The following PLEKHA8 variants were observed in gnomAD, a reference collection of about 807,000 sequenced individuals.
The protein encoded by PLEKHA8 is pleckstrin homology domain containing A8, also known as pleckstrin homology domain-containing family A member 8.
In PLEKHA8, 36 loss-of-function variants were observed where a neutral mutation model predicts 68.2. The ratio of observed to expected loss-of-function variants is 0.53; its 90% CI spans 0.40 to 0.70. The LOEUF is 0.70. PLEKHA8 is among the 30% of genes least tolerant of loss of function. PLEKHA8 has a pLI of 0.00. For synonymous variants in PLEKHA8, 211 were observed against 216.1 expected, an observed-to-expected ratio of 0.98 and a Z score of 0.20; for missense variants, 505 against 615.4, an observed-to-expected ratio of 0.82 and a Z score of 1.90.
chr7:30,124,850 C>A (rs1272341910), intron 13 of PLEKHA8, among the ~76,000 whole-genome samples: 1 of 151,718 alleles, frequency 6.6e-6, no homozygotes, highest in East Asian at 1.9e-4. Flanking sequence ...CACCCATGAT[C>A]CTATCTTAAT....
chr7:30,088,800 T>C (rs950310398), downstream of PLEKHA8, among the ~76,000 whole-genome samples: 13 of 152,210 alleles, frequency 8.5e-5, no homozygotes, highest in Admixed American at 5.9e-4. Flanking sequence ...CTAGAGGGGA[T>C]TGGCAAGATG....
intron 1 of PLEKHA8, 27 bp downstream of exon 1, chr7:30,028,829 G>A (rs887316956): frequency 1.6e-6 from 2 of 1,254,848 alleles, no homozygotes; most frequent in South Asian, 8.0e-5. Context: ...GGCCGGGGGC[G>A]CGCCGGGGGC....
intron 13 of PLEKHA8, among the ~76,000 whole-genome samples, chr7:30,096,011 C>CT (rs1795605898): frequency 6.6e-6 from 1 of 152,088 alleles, no homozygotes; most frequent in Non-Finnish European, 1.5e-5. Flanking sequence ...AATGCGGGCT[C>CT]TTTTTTGGTT....
rs1376745916 is a variant in PLEKHA8, at chr7:30,052,733, A to T, written c.663A>T (p.Glu221Asp). 1.5e-5 allele frequency: 24 copies of T among 1,560,600 alleles called. No homozygotes were observed. Among genetic ancestry groups the T allele is most frequent in the Non-Finnish European group, 2.1e-5 (24 of 1,162,124 alleles). Residue 221 changes from glutamate to aspartate, a missense_variant, in exon 7 of 14, where the codon GAA becomes GAT. By Grantham distance (45) the Glu-to-Asp change is conservative. Coordinates refer to ENST00000449726, the MANE Select transcript of PLEKHA8 (RefSeq NM_001197026.2). ...LERQMELSTC[E>D]NGSLNMEING... ...GGCAAATGGAGTTGAGCACTTGTGA[A>T]AATGGATCTTTAAATATGGAAATAA... is the stretch of plus-strand genomic sequence containing the variant.
intron 13 of PLEKHA8, among the ~76,000 whole-genome samples, chr7:30,109,604 A>T (rs1796197412): frequency 7.0e-6 from 1 of 142,514 alleles, no homozygotes; most frequent in African/African-American, 2.6e-5. Flanking sequence ...AAAAAAAAAA[A>T]AAAAAAAAAG....
At chr7:30,039,000 G>A (rs1583777566) in intron 1 of PLEKHA8, among the ~76,000 whole-genome samples, 1 of 139,120 alleles carries the variant, frequency 7.2e-6, no homozygotes, top group Admixed American at 7.0e-5. Flanking sequence ...AGAAAATTAT[G>A]CTCATTGAAA....
chr7:30,076,191 T>C (rs1794599582), intron 13 of PLEKHA8, among the ~76,000 whole-genome samples: 1 of 152,086 alleles, frequency 6.6e-6, no homozygotes, highest in Non-Finnish European at 1.5e-5. Flanking sequence ...CCCAACTGAA[T>C]AGAATCTATC....
chr7:30,037,155 A>G (rs1342385184), intron 1 of PLEKHA8, among the ~76,000 whole-genome samples: 2 of 152,230 alleles, frequency 1.3e-5, no homozygotes, highest in East Asian at 1.9e-4. Flanking sequence ...TTATTTCACT[A>G]TTAACATATC....
In PLEKHA8 at chr7:30,081,019, G is replaced by C; in HGVS notation, c.*2232G>C. The C allele has an allele frequency of 2.0e-6, 2 of 985,328 alleles. No individual in the cohort carries two copies. The highest frequency in any genetic ancestry group is 2.4e-6 in the Non-Finnish European group (2 of 829,912). The allele number at this position is 985,328 out of a possible 1,614,324, so 61.0% of individuals were successfully genotyped here. On this transcript the variant is annotated 3_prime_UTR_variant, in exon 14 of 14. Transcript: ENST00000449726. ...TGGTCTCTTGGAGAGGTAGCACTCT[G>C]AAAATACCTCAGGTTTGCCACCGCA...
exon 13 of PLEKHA8, chr7:30,090,277 C>G: frequency 7.2e-7 from 1 of 1,398,070 alleles, no homozygotes; most frequent in Admixed American, 2.4e-5. Flanking sequence ...CCTCAAACTT[C>G]CTTTCCACAA....
At chr7:30,041,419 ATT>A (rs59541222) in intron 1 of PLEKHA8, among the ~76,000 whole-genome samples, 2,637 of 120,176 alleles carry the variant, frequency 0.022, 20 homozygotes, top group Non-Finnish European at 0.028. Flanking sequence ...TACCAGCTAC[ATT>A]TTTTTTTTTT....
rs1435254969 is a variant in PLEKHA8 at position 30,082,218 on chromosome 7, T to C, written c.*3431T>C. The C allele has an allele frequency of 1.0e-6, 1 of 985,328 alleles. No individual in the cohort carries two copies. Among genetic ancestry groups the C allele is most frequent in the African/African-American group, 1.7e-5 (1 of 57,246 alleles). 61.0% of individuals were successfully genotyped at this position (985,328 alleles called of 1,614,324 possible). A position where few individuals can be genotyped will look rare whatever the true frequency, so the allele number is the denominator to read the frequency against. On this transcript the variant is annotated 3_prime_UTR_variant, in exon 14 of 14. Transcript: ENST00000449726. ...TATTAAACTTCCCCCAATGTCATATTCCATGATGAGGGATTTCTGAACTCC... is the reference window on the plus strand; with the variant it reads ...TATTAAACTTCCCCCAATGTCATATCCCATGATGAGGGATTTCTGAACTCC...
At chr7:30,088,351 G>T (rs1795260374), downstream of PLEKHA8, among the ~76,000 whole-genome samples, 1 of 152,098 alleles carries the variant, frequency 6.6e-6, no homozygotes, top group South Asian at 2.1e-4. Context: ...TTGTGCATTA[G>T]AATCACGGGA....
At chr7:30,041,358 A>G (rs2127967034) in intron 1 of PLEKHA8, among the ~76,000 whole-genome samples, 1 of 152,290 alleles carries the variant, frequency 6.6e-6, no homozygotes, top group Non-Finnish European at 1.5e-5. Context: ...TACCCTAGGT[A>G]AATACAGAAC....
chr7:30,054,663 TAATA>T, intron 7 of PLEKHA8, 42 bp from the exon 8 acceptor site: 5 of 1,173,558 alleles, frequency 4.3e-6, no homozygotes, highest in Non-Finnish European at 5.6e-6. Context: ...TGTATTTTTA[TAATA>T]AATATATAAT....
chr7:30,045,128 C>G lies in PLEKHA8; in HGVS notation c.84C>G (p.Ser28=). The change falls in exon 2 of 14, where the codon TCC becomes TCG. Residue 28 remains serine, a synonymous_variant. Coordinates refer to ENST00000449726, the MANE Select transcript of PLEKHA8 (RefSeq NM_001197026.2). ...TCCTTCTCTGTGGGGGAATATTGTC[C>G]TATTATGATTCTCCTGAAGATGCCT... ...RWFLLCGGIL[S]YYDSPEDAWK... is the part of the protein sequence containing the mutation. The G allele has an allele frequency of 1.9e-6, 3 of 1,611,542 alleles. No homozygotes were observed. Among genetic ancestry groups the G allele is most frequent in the African/African-American group, 1.3e-5 (1 of 74,740 alleles).
downstream of PLEKHA8, among the ~76,000 whole-genome samples, chr7:30,094,298 G>T (rs1795523805): frequency 6.7e-6 from 1 of 148,810 alleles, no homozygotes; most frequent in African/African-American, 2.5e-5. Flanking sequence ...TTTCCAGACA[G>T]AGTCTTGCTC....
At chr7:30,051,238 C>T (rs987523135) in intron 6 of PLEKHA8, among the ~76,000 whole-genome samples, 8 of 152,124 alleles carry the variant, frequency 5.3e-5, no homozygotes, top group African/African-American at 1.9e-4. Flanking sequence ...TATACTATTG[C>T]TTACTTCTTT....
chr7:30,063,758 C>T (rs1256397482), intron 12 of PLEKHA8, among the ~76,000 whole-genome samples: 1 of 152,166 alleles, frequency 6.6e-6, no homozygotes, highest in Non-Finnish European at 1.5e-5. Context: ...ACTTAATCCT[C>T]ATTTCAATCC....
Sources: gnomAD v4.1 joint callset for allele counts (sites outside exome capture counted in the v4.1 genomes callset) on GRCh38, gnomAD v4.1.1 for gene constraint, MANE v1.5 for transcripts, NCBI Gene and HGNC (gene_info 2026-07-23, HGNC 2026-07-21) for gene names.